Variants in ADAM29 observed in about 807,000 individuals in gnomAD.
The protein encoded by ADAM29 is ADAM metallopeptidase domain 29, also known as disintegrin and metalloproteinase domain-containing protein 29.
For missense variants in ADAM29, 969 were observed against 1,001.8 expected, an observed-to-expected ratio of 0.97 and a Z score of 0.44; for synonymous variants, 367 against 342.3, an observed-to-expected ratio of 1.07 and a Z score of -0.80.
intron 4 of ADAM29, among the ~76,000 whole-genome samples, chr4:174,974,146 G>A (rs1017713972): frequency 6.6e-5 from 10 of 152,216 alleles, no homozygotes; most frequent in African/African-American, 2.4e-4. Context: ...GCCACTGTGG[G>A]TGAATCAACA....
intron 4 of ADAM29, among the ~76,000 whole-genome samples, chr4:174,950,412 C>T (rs1745101313): frequency 6.6e-6 from 1 of 152,206 alleles, no homozygotes; most frequent in South Asian, 2.1e-4. Context: ...TAACTAACAA[C>T]CTGGTCTCCC....
intron 4 of ADAM29, among the ~76,000 whole-genome samples, chr4:174,938,231 C>T (rs56004315): frequency 0.17 from 25,100 of 151,716 alleles, 2,422 homozygotes; most frequent in East Asian, 0.26. Context: ...AATCTTGGGG[C>T]GGGGCAAGAA....
chr4:174,938,026 G>A (rs910912100), intron 4 of ADAM29, among the ~76,000 whole-genome samples: 2 of 152,050 alleles, frequency 1.3e-5, no homozygotes, highest in African/African-American at 2.4e-5. Flanking sequence ...GATGATGAAA[G>A]ATTTTCATGA....
chr4:174,949,171 C>G (rs62332288), intron 4 of ADAM29, among the ~76,000 whole-genome samples: 41,185 of 151,956 alleles, frequency 0.27, 6,262 homozygotes, highest in Non-Finnish European at 0.34. Flanking sequence ...CCAGGAGATG[C>G]CAGTAGATGG....
At chr4:174,933,329 A>C (rs1256943101) in intron 3 of ADAM29, among the ~76,000 whole-genome samples, 1 of 152,132 alleles carries the variant, frequency 6.6e-6, no homozygotes, top group Non-Finnish European at 1.5e-5. Flanking sequence ...GAGCTCCCTA[A>C]GTGTAAATTT....
At position 174,926,658 on chromosome 4, in the gene ADAM29, C is replaced by G. The variant is rs541361840; in HGVS notation, c.-450-4328C>G. Among the ~76,000 whole-genome samples, 237 of 147,874 alleles carry G rather than the reference C, an allele frequency of 1.6e-3. 3 individuals are homozygous for G. Among genetic ancestry groups the G allele is most frequent in the Non-Finnish European group, 2.6e-3 (175 of 67,584 alleles). On this transcript the variant is annotated intron_variant, in intron 2 of 4. Coordinates refer to ENST00000359240, the MANE Select transcript of ADAM29 (RefSeq NM_014269.4). Reference sequence around the variant, plus strand: ...GTGCAAGCCTATAATCCCTGCTACTCAGGAGGCTGAGCCATGATCACACCA... The same window carrying G: ...GTGCAAGCCTATAATCCCTGCTACTGAGGAGGCTGAGCCATGATCACACCA...
intron 2 of ADAM29, among the ~76,000 whole-genome samples, chr4:174,923,344 C>T (rs770797352): frequency 4.6e-5 from 7 of 151,636 alleles, no homozygotes; most frequent in Non-Finnish European, 8.8e-5. Context: ...CATGAGCCAC[C>T]GTGCTTGGCC....
In ADAM29 at chr4:174,975,675, C is replaced by T; in HGVS notation, c.150C>T (p.Gly50=). Residue 50 remains glycine, a synonymous_variant, in exon 5 of 5, where the codon GGC becomes GGT. Transcript: ENST00000359240. ...CCACCAGAGGCATGACACCTCCAGG[C>T]TGGCTCTCCTATATCCTGCCCTTTG... The part of the protein sequence containing the change: ...TGTTRGMTPP[G]WLSYILPFGG... 5 of 1,613,010 alleles carry T rather than the reference C, an allele frequency of 3.1e-6. No individual in the cohort carries two copies. The highest frequency in any genetic ancestry group is 4.2e-6 in the Non-Finnish European group (5 of 1,179,500).
chr4:174,939,145 A>G lies in ADAM29; in HGVS notation c.-181+2132A>G, dbSNP rs78901464. Reference sequence around the variant, plus strand: ...AAGAGTCTTTCTTCCAAATAAGAGTACATTCACAGGTTCCTGGGGTTAGGA... The same window carrying G: ...AAGAGTCTTTCTTCCAAATAAGAGTGCATTCACAGGTTCCTGGGGTTAGGA... On this transcript the variant is annotated intron_variant, in intron 4 of 4. Coordinates refer to ENST00000359240, the MANE Select transcript of ADAM29 (RefSeq NM_014269.4). 8.5e-3 allele frequency among the ~76,000 whole-genome samples: 1,291 copies of G among 152,250 alleles called. 14 individuals carry two copies. Among genetic ancestry groups the G allele is most frequent in the African/African-American group, 0.028 (1,169 of 41,554 alleles).
intron 2 of ADAM29, among the ~76,000 whole-genome samples, chr4:174,921,560 C>T (rs1743165973): frequency 6.6e-6 from 1 of 152,118 alleles, no homozygotes; most frequent in African/African-American, 2.4e-5. Context: ...GCCTATTATC[C>T]AAAAAGTGAA....
At chr4:174,918,999 G>A (rs1398392136) in intron 1 of ADAM29, 1 of 152,108 alleles carries the variant, frequency 6.6e-6, no homozygotes, top group East Asian at 1.9e-4. Flanking sequence ...TGGTAATTAT[G>A]ACTTAGGGCT....
At chr4:174,971,472 C>A (rs1405156638) in intron 4 of ADAM29, among the ~76,000 whole-genome samples, 3 of 152,106 alleles carry the variant, frequency 2.0e-5, no homozygotes, top group Admixed American at 6.6e-5. Flanking sequence ...CTATTAAAGG[C>A]CAGGTATAGT....
chr4:174,930,507 A>T (rs1299075541), intron 2 of ADAM29, among the ~76,000 whole-genome samples: 1 of 152,222 alleles, frequency 6.6e-6, no homozygotes, highest in Non-Finnish European at 1.5e-5. Flanking sequence ...TTATTTTTCC[A>T]GAAAAGTAAC....
At chr4:174,953,198 AT>A (rs901531574) in intron 4 of ADAM29, among the ~76,000 whole-genome samples, 24 of 152,240 alleles carry the variant, frequency 1.6e-4, no homozygotes, top group Admixed American at 9.8e-4. Context: ...AGGCAGGAGA[AT>A]GGCATGAACC....
chr4:174,937,278 CAA>C (rs1218472224), intron 4 of ADAM29, among the ~76,000 whole-genome samples: 1 of 151,886 alleles, frequency 6.6e-6, no homozygotes, highest in Non-Finnish European at 1.5e-5. Context: ...TCTAGGCCAC[CAA>C]AAAGAGTTAC....
chr4:174,969,665 GGTTA>G (rs1307368539), intron 4 of ADAM29, among the ~76,000 whole-genome samples: 1 of 151,752 alleles, frequency 6.6e-6, no homozygotes, highest in Non-Finnish European at 1.5e-5. Flanking sequence ...GTTAAAATTA[GGTTA>G]GTTATTTTTA....
At chr4:174,962,840 T>A (rs1745921780) in intron 4 of ADAM29, among the ~76,000 whole-genome samples, 1 of 152,196 alleles carries the variant, frequency 6.6e-6, no homozygotes, top group South Asian at 2.1e-4. Context: ...TTAATCATGA[T>A]TTCCTAGTAT....
chr4:174,930,945 A>C (rs1743826779), intron 2 of ADAM29, 41 bp from the exon 3 acceptor site: 1 of 152,136 alleles, frequency 6.6e-6, no homozygotes, highest in Non-Finnish European at 1.5e-5. Context: ...CTGTCTAATT[A>C]ATATTCTTCA....
chr4:174,922,375 C>G (rs1326109412), intron 2 of ADAM29, among the ~76,000 whole-genome samples: 2 of 152,126 alleles, frequency 1.3e-5, no homozygotes, highest in Admixed American at 1.3e-4. Context: ...AATCATCATC[C>G]TGAAATCTGG....
Sources: allele counts gnomAD v4.1 joint callset (sites outside exome capture counted in the v4.1 genomes callset), GRCh38; gene constraint gnomAD v4.1.1; transcripts MANE v1.5; gene names NCBI Gene and HGNC (gene_info 2026-07-23, HGNC 2026-07-21).